Variants in SLC14A2 observed in about 807,000 individuals in gnomAD.
The protein encoded by SLC14A2 is solute carrier family 14 member 2.
In SLC14A2, 91 loss-of-function variants were observed where a neutral mutation model predicts 104.6. The ratio of observed to expected loss-of-function variants is 0.87; its 90% CI spans 0.73 to 1.04. The LOEUF is 1.04. SLC14A2 is among the 50% of genes least tolerant of loss of function. The pLI is 0.00. For synonymous variants in SLC14A2, 476 were observed against 466.4 expected (o/e 1.02, Z -0.27); for missense variants, 1,189 against 1,156.0 (o/e 1.03, Z -0.41).
chr18:45,373,328 G>T (rs2085742071), intron 1 of SLC14A2, among the ~76,000 whole-genome samples: 1 of 152,076 alleles, frequency 6.6e-6, no homozygotes, highest in South Asian at 2.1e-4. Context: ...TTGCTGCATT[G>T]GGTGATGTTA....
Position 45,682,582 on chromosome 18 carries a change from G to A in SLC14A2, c.*63G>A. 1 of 1,354,178 alleles carries A rather than the reference G, an allele frequency of 7.4e-7. No homozygotes were observed. Among genetic ancestry groups the A allele is most frequent in the East Asian group, 2.3e-5 (1 of 43,634 alleles). The allele number at this position is 1,354,178 out of a possible 1,614,324, so 83.9% of individuals were successfully genotyped here. On this transcript the variant is annotated 3_prime_UTR_variant, in exon 20 of 20. Coordinates refer to ENST00000255226, the MANE Select transcript of SLC14A2 (RefSeq NM_007163.4). Reference sequence around the variant, plus strand: ...TTCAGCACGCCGTCCAGATCCCCAGGATAAGAGACCACTTAGCCTTCCCTT... The same window carrying A: ...TTCAGCACGCCGTCCAGATCCCCAGAATAAGAGACCACTTAGCCTTCCCTT...
At position 45,630,212 on chromosome 18, in the gene SLC14A2, G is replaced by C. The variant is rs182346833; in HGVS notation, c.522-2138G>C. Among the ~76,000 whole-genome samples the C allele has an allele frequency of 4.6e-5, 7 of 152,142 alleles. No individual in the cohort carries two copies. The East Asian group carries it at 1.3e-3, about 29-fold the overall frequency. ...AAAGATCTAGGCTTTGTTGCTGACA[G>C]GTCAGTGTCTTGTTCTGCATCATAG... On this transcript the variant is annotated intron_variant, in intron 4 of 19. Coordinates refer to ENST00000255226, the MANE Select transcript of SLC14A2 (RefSeq NM_007163.4).
At position 45,664,696 on chromosome 18, in the gene SLC14A2, C is replaced by A. The variant is rs79149700; in HGVS notation, c.1474+789C>A. ...AATGACCTTCTTCCTCCAGCTCCCCCAAGTCTCATCATTTCATACCACAAG... is the reference window on the plus strand; with the variant it reads ...AATGACCTTCTTCCTCCAGCTCCCCAAAGTCTCATCATTTCATACCACAAG... On this transcript the variant is annotated intron_variant, in intron 11 of 19. Coordinates refer to ENST00000255226, the MANE Select transcript of SLC14A2 (RefSeq NM_007163.4). 3.3e-5 allele frequency among the ~76,000 whole-genome samples: 5 copies of A among 152,276 alleles called. No individual in the cohort carries two copies. The East Asian group carries it at 9.7e-4, about 29-fold the overall frequency.
At chr18:45,186,235 T>G in the SLC14A2 span, among the ~76,000 whole-genome samples, 1 of 152,276 alleles carries the variant, frequency 6.6e-6, no homozygotes, top group Non-Finnish European at 1.5e-5. Flanking sequence ...AAATCTGTAA[T>G]AATAAAGACT....
At chr18:45,533,249 A>AT (rs1415429790) in intron 2 of SLC14A2, among the ~76,000 whole-genome samples, 2 of 152,120 alleles carry the variant, frequency 1.3e-5, no homozygotes, top group South Asian at 4.1e-4. Context: ...TTTTCTATTG[A>AT]TTGGAGTAGT....
At chr18:45,230,703 A>G (rs910175955) in intron 1 of SLC14A2, among the ~76,000 whole-genome samples, 3 of 152,224 alleles carry the variant, frequency 2.0e-5, no homozygotes, top group African/African-American at 7.2e-5. Context: ...AGGTCCTTGA[A>G]GGCAGATCTT....
At chr18:45,282,284 G>T (rs1285282732) in intron 1 of SLC14A2, among the ~76,000 whole-genome samples, 1 of 152,122 alleles carries the variant, frequency 6.6e-6, no homozygotes, top group African/African-American at 2.4e-5. Context: ...ACCAGCAGCT[G>T]GGGTGCTTTA....
At position 45,596,348 on chromosome 18, in the gene SLC14A2, C is replaced by T. The variant is rs2044718522; in HGVS notation, c.-34-28283C>T. 1.3e-5 allele frequency among the ~76,000 whole-genome samples: 2 copies of T among 152,240 alleles called. 1 individual carries two copies. Among genetic ancestry groups the T allele is most frequent in the South Asian group, 4.1e-4 (2 of 4,828 alleles). On this transcript the variant is annotated intron_variant, in intron 2 of 20. Coordinates refer to the SLC14A2 transcript ENST00000586448. Reference sequence around the variant, plus strand: ...TTAATGGAGGCATGCGCAGCTAGAACACGATCTTCATTCAAAACACTGTGG... The same window carrying T: ...TTAATGGAGGCATGCGCAGCTAGAATACGATCTTCATTCAAAACACTGTGG...
the SLC14A2 span, among the ~76,000 whole-genome samples, chr18:45,194,816 T>C: frequency 2.0e-5 from 3 of 151,934 alleles, no homozygotes; most frequent in Non-Finnish European, 4.4e-5. Context: ...GGCTAATTTT[T>C]TGTATTTTTA....
intron 1 of SLC14A2, among the ~76,000 whole-genome samples, chr18:45,439,297 A>G (rs922826830): frequency 6.6e-6 from 1 of 152,144 alleles, no homozygotes; most frequent in African/African-American, 2.4e-5. Flanking sequence ...AATGCCAGGC[A>G]AAGTTGCCTG....
At chr18:45,327,758 C>T (rs754704743) in intron 1 of SLC14A2, among the ~76,000 whole-genome samples, 32 of 152,222 alleles carry the variant, frequency 2.1e-4, no homozygotes, top group Non-Finnish European at 4.0e-4. Flanking sequence ...ATGTATGTAT[C>T]CATTGATGGA....
chr18:45,535,605 C>T (rs1403903513), intron 2 of SLC14A2, among the ~76,000 whole-genome samples: 1 of 152,102 alleles, frequency 6.6e-6, no homozygotes, highest in African/African-American at 2.4e-5. Context: ...GCTCTGAGTC[C>T]AGAGTTAGCA....
At chr18:45,547,877 T>C (rs904379419) in intron 2 of SLC14A2, among the ~76,000 whole-genome samples, 1 of 152,090 alleles carries the variant, frequency 6.6e-6, no homozygotes, top group Non-Finnish European at 1.5e-5. Context: ...AATGAGAAAG[T>C]CTATGAGGGC....
At chr18:45,238,581 C>T (rs1488788755) in intron 1 of SLC14A2, among the ~76,000 whole-genome samples, 1 of 152,104 alleles carries the variant, frequency 6.6e-6, no homozygotes, top group African/African-American at 2.4e-5. Flanking sequence ...AAAAAATCTT[C>T]AGACCAATGA....
chr18:45,522,100 C>T (rs1568257012), intron 2 of SLC14A2, among the ~76,000 whole-genome samples: 1 of 152,214 alleles, frequency 6.6e-6, no homozygotes, highest in Non-Finnish European at 1.5e-5. Flanking sequence ...TTCTGACCTT[C>T]AGTTTGCACA....
chr18:45,179,314 G>T, the SLC14A2 span, among the ~76,000 whole-genome samples: 3 of 152,092 alleles, frequency 2.0e-5, no homozygotes, highest in African/African-American at 7.2e-5. Context: ...TTCTGTCATC[G>T]CACTGGCTTC....
chr18:45,566,717 C>T (rs909495384), intron 2 of SLC14A2, among the ~76,000 whole-genome samples: 2 of 152,192 alleles, frequency 1.3e-5, no homozygotes, highest in African/African-American at 4.8e-5. Flanking sequence ...CTCAATATTT[C>T]AGTGTATTAA....
chr18:45,525,675 C>T (rs1460085263), intron 2 of SLC14A2, among the ~76,000 whole-genome samples: 1 of 152,196 alleles, frequency 6.6e-6, no homozygotes, highest in African/African-American at 2.4e-5. Context: ...TTTGGTAGAT[C>T]TGCCCAGGAG....
chr18:45,440,221 T>TTG (rs898178874), intron 1 of SLC14A2, among the ~76,000 whole-genome samples: 4 of 151,580 alleles, frequency 2.6e-5, no homozygotes, highest in Admixed American at 6.6e-5. Flanking sequence ...TTTTCAAGTT[T>TTG]TTTTTTTTTT....
Sources: allele counts gnomAD v4.1 joint callset (sites outside exome capture counted in the v4.1 genomes callset), GRCh38; gene constraint gnomAD v4.1.1; transcripts MANE v1.5; gene names NCBI Gene and HGNC (gene_info 2026-07-23, HGNC 2026-07-21).